Variants in ME1 observed in about 807,000 individuals in gnomAD.
The protein encoded by ME1 is malic enzyme 1.
In ME1, 74 loss-of-function variants were observed where a neutral mutation model predicts 66.4. That is an observed-to-expected ratio of 1.11 (90% CI 0.92 to 1.35). The LOEUF (loss-of-function observed/expected upper bound fraction) is 1.35, where lower values mean the gene tolerates loss of function less well. ME1 is among the 40% of genes most tolerant of loss of function. The pLI is 0.00. For missense variants in ME1, 750 were observed against 694.1 expected (o/e 1.08, Z -0.90); for synonymous variants, 251 against 235.6 (o/e 1.07, Z -0.60).
intron 2 of ME1, among the ~76,000 whole-genome samples, chr6:83,404,437 C>T (rs1252609405): frequency 1.3e-5 from 2 of 152,022 alleles, no homozygotes; most frequent in African/African-American, 4.8e-5. Context: ...AAATTTTCTC[C>T]AATTCTATAG....
intron 9 of ME1, among the ~76,000 whole-genome samples, chr6:83,237,068 C>T (rs1790413461): frequency 6.6e-6 from 1 of 150,668 alleles, no homozygotes; most frequent in African/African-American, 2.4e-5. Flanking sequence ...ATATGGCGGC[C>T]TGTGGTCCCA....
At chr6:83,253,826 AACAT>A in intron 6 of ME1, 88 bp from the exon 7 acceptor site, 1 of 660,586 alleles carries the variant, frequency 1.5e-6, no homozygotes, top group Non-Finnish European at 2.7e-6. Flanking sequence ...GAAATAGGAA[AACAT>A]TATTTCCTTT....
intron 6 of ME1, among the ~76,000 whole-genome samples, chr6:83,291,802 G>A (rs1217597771): frequency 3.3e-5 from 5 of 152,056 alleles, no homozygotes; most frequent in Non-Finnish European, 5.9e-5. Flanking sequence ...ATATTTCTTG[G>A]AGGTTTTGTT....
intron 9 of ME1, 83 bp from the exon 10 acceptor site, chr6:83,229,014 T>A: frequency 9.4e-6 from 8 of 849,518 alleles, no homozygotes; most frequent in Non-Finnish European, 1.3e-5. Context: ...TTACAAATAT[T>A]TATGCTTAAC....
At chr6:83,260,026 G>A (rs1238406543) in intron 6 of ME1, among the ~76,000 whole-genome samples, 1 of 151,990 alleles carries the variant, frequency 6.6e-6, no homozygotes, top group African/African-American at 2.4e-5. Context: ...TGATACCAAG[G>A]ACTTGAAGAA....
intron 4 of ME1, among the ~76,000 whole-genome samples, chr6:83,348,246 A>G (rs1461058929): frequency 3.9e-5 from 6 of 152,210 alleles, no homozygotes; most frequent in Non-Finnish European, 8.8e-5. Context: ...GCAGATAACT[A>G]TAACTTTGTT....
At chr6:83,263,729 T>G (rs919025581) in intron 6 of ME1, among the ~76,000 whole-genome samples, 1 of 151,468 alleles carries the variant, frequency 6.6e-6, no homozygotes, top group African/African-American at 2.4e-5. Flanking sequence ...CCGTGAAGTT[T>G]AAGGAAAACA....
At chr6:83,393,944 G>A (rs1162941528) in intron 3 of ME1, among the ~76,000 whole-genome samples, 1 of 151,984 alleles carries the variant, frequency 6.6e-6, no homozygotes, top group Non-Finnish European at 1.5e-5. Flanking sequence ...AGTTTATGTA[G>A]TATGATTCCT....
intron 9 of ME1, among the ~76,000 whole-genome samples, 173 bp downstream of exon 9, chr6:83,237,544 A>G (rs1475258940): frequency 3.3e-5 from 5 of 152,162 alleles, no homozygotes; most frequent in African/African-American, 9.7e-5. Flanking sequence ...CCTAAGTCAT[A>G]GTTTTCTTTA....
At chr6:83,248,200 T>A (rs1790658378) in intron 7 of ME1, among the ~76,000 whole-genome samples, 1 of 152,226 alleles carries the variant, frequency 6.6e-6, no homozygotes, top group Admixed American at 6.5e-5. Flanking sequence ...TTCGTTTTCT[T>A]AAACTGAACT....
chr6:83,284,296 A>G (rs1767358119), intron 6 of ME1, among the ~76,000 whole-genome samples: 1 of 152,126 alleles, frequency 6.6e-6, no homozygotes, highest in Non-Finnish European at 1.5e-5. Flanking sequence ...ATTCACAGTC[A>G]AATTCTACCA....
intron 2 of ME1, among the ~76,000 whole-genome samples, chr6:83,406,087 CAT>C (rs1248215587): frequency 6.6e-6 from 1 of 152,132 alleles, no homozygotes; most frequent in African/African-American, 2.4e-5. Flanking sequence ...TTGAAATAAT[CAT>C]GTGAGTTTTG....
chr6:83,410,044 T>C (rs1770020753), intron 1 of ME1, among the ~76,000 whole-genome samples: 1 of 151,832 alleles, frequency 6.6e-6, no homozygotes. Context: ...GAGACATCCG[T>C]GGTATCGCCT....
intron 6 of ME1, among the ~76,000 whole-genome samples, chr6:83,268,728 G>GTTGTTATTATTATTA (rs764379892): frequency 1.3e-4 from 19 of 143,772 alleles, no homozygotes; most frequent in African/African-American, 4.8e-4. Context: ...ACCATGCCCC[G>GTTGTTATTATTATTA]TTATTATTAT....
chr6:83,393,139 C>T (rs1769657739), intron 3 of ME1: 3 of 1,364,040 alleles, frequency 2.2e-6, no homozygotes, highest in African/African-American at 2.9e-5. Context: ...GTGGACCTGA[C>T]CTGCCGTCTG....
rs567216386 is a variant in ME1, at chr6:83,430,988, G to C, written c.-34C>G. 4.8e-5 allele frequency: 66 copies of C among 1,384,242 alleles called. No individual in the cohort carries two copies. The South Asian group carries it at 9.4e-4, about 20-fold the overall frequency. 85.7% of individuals were successfully genotyped at this position (1,384,242 alleles called of 1,614,324 possible). On this transcript the variant is annotated 5_prime_UTR_variant, in exon 1 of 14. Coordinates refer to ENST00000369705, the MANE Select transcript of ME1 (RefSeq NM_002395.6). ...CCGGGTTCGGCGGCGGGGTCAGGCC[G>C]GGGCGGGCCGCACGCGCGGTGCAGG...
At chr6:83,379,611 C>T (rs970604503) in intron 3 of ME1, among the ~76,000 whole-genome samples, 9 of 152,038 alleles carry the variant, frequency 5.9e-5, no homozygotes, top group Admixed American at 5.9e-4. Flanking sequence ...ACATAATTTA[C>T]ATTTGCTTGG....
intron 1 of ME1, among the ~76,000 whole-genome samples, chr6:83,429,164 G>A (rs915110286): frequency 6.6e-6 from 1 of 152,204 alleles, no homozygotes; most frequent in Non-Finnish European, 1.5e-5. Context: ...TCGGGAGGCT[G>A]AGGCAGGAGA....
Position 83,315,322 on chromosome 6 carries a change from G to A in ME1, c.692C>T (p.Ala231Val). 6.2e-7 allele frequency: 1 copy of A among 1,600,010 alleles called. No homozygotes were observed. The highest frequency in any genetic ancestry group is 8.6e-7 in the Non-Finnish European group (1 of 1,168,200). ...YDDFLDEFME[A>V]VSSKYGMNCL... ...TAAAGATACATACTTGGAAGAAACTGCCTCCATGAATTCGTCCAAAAAATC... is the reference window on the plus strand; with the variant it reads ...TAAAGATACATACTTGGAAGAAACTACCTCCATGAATTCGTCCAAAAAATC... The change falls in exon 6 of 14, where the codon GCA becomes GTA. Residue 231 changes from alanine to valine, a missense_variant. Physicochemically the swap from Ala to Val is moderately conservative, Grantham distance 64 (BLOSUM62 0). Transcript: ENST00000369705.
Sources: gnomAD v4.1 joint callset for allele counts (sites outside exome capture counted in the v4.1 genomes callset) on GRCh38, gnomAD v4.1.1 for gene constraint, MANE v1.5 for transcripts, NCBI Gene and HGNC (gene_info 2026-07-23, HGNC 2026-07-21) for gene names.